TENM4: variants seen among roughly 807,000 people sequenced by gnomAD.
TENM4 encodes teneurin transmembrane protein 4.
A neutral mutation model predicts 243.3 loss-of-function variants in TENM4; 82 were observed. The ratio of observed to expected loss-of-function variants is 0.34; its 90% CI spans 0.28 to 0.40. The LOEUF (loss-of-function observed/expected upper bound fraction) is 0.40, where lower values mean the gene tolerates loss of function less well. Among genes scored for constraint, TENM4 ranks in the 10% least tolerant of loss-of-function variants. TENM4 has a pLI of 1.00. For synonymous variants in TENM4, 1,412 were observed against 1,456.3 expected (o/e 0.97, Z 0.69); for missense variants, 3,138 against 3,673.3 (o/e 0.85, Z 3.77).
At chr11:79,305,714 G>A (rs1266621026) in intron 1 of TENM4, among the ~76,000 whole-genome samples, 6 of 152,222 alleles carry the variant, frequency 3.9e-5, no homozygotes, top group African/African-American at 1.4e-4. Context: ...GTAAAGAGAA[G>A]GCCAGATTTG....
intron 14 of TENM4, among the ~76,000 whole-genome samples, chr11:78,807,223 T>C (rs1474571952): frequency 6.6e-6 from 1 of 152,200 alleles, no homozygotes; most frequent in Non-Finnish European, 1.5e-5. Flanking sequence ...AGAAAAGAAA[T>C]TGCTGGATCA....
intron 2 of TENM4, among the ~76,000 whole-genome samples, chr11:79,255,612 A>C (rs1855688660): frequency 1.3e-5 from 2 of 152,272 alleles, no homozygotes; most frequent in African/African-American, 4.8e-5. Flanking sequence ...TTTGATGTGC[A>C]TTCAACACAT....
At chr11:79,101,858 A>G (rs1861240375) in intron 4 of TENM4, among the ~76,000 whole-genome samples, 1 of 152,208 alleles carries the variant, frequency 6.6e-6, no homozygotes, top group African/African-American at 2.4e-5. Context: ...TCAAGTTTTC[A>G]TACCACTCCA....
chr11:78,913,733 G>A (rs1018306095), intron 6 of TENM4, among the ~76,000 whole-genome samples: 11 of 152,106 alleles, frequency 7.2e-5, no homozygotes, highest in Admixed American at 2.0e-4. Context: ...GGAAAAGCAC[G>A]AAGAAACAGG....
intron 6 of TENM4, among the ~76,000 whole-genome samples, chr11:78,999,107 T>C (rs1201843552): frequency 2.0e-5 from 3 of 152,172 alleles, no homozygotes; most frequent in Non-Finnish European, 2.9e-5. Flanking sequence ...CACTAAGCTA[T>C]GTAGTCAGAA....
At chr11:79,257,941 A>G (rs1425003458) in intron 2 of TENM4, among the ~76,000 whole-genome samples, 1 of 152,190 alleles carries the variant, frequency 6.6e-6, no homozygotes, top group African/African-American at 2.4e-5. Context: ...CCATGGTGAA[A>G]ACAGCCTGCA....
At chr11:78,863,756 T>A (rs1272691136) in intron 9 of TENM4, among the ~76,000 whole-genome samples, 2 of 152,216 alleles carry the variant, frequency 1.3e-5, no homozygotes, top group Non-Finnish European at 2.9e-5. Flanking sequence ...GTACAAAATC[T>A]ATGGAGGGCA....
chr11:79,234,537 T>A (rs978269469), intron 2 of TENM4, among the ~76,000 whole-genome samples: 1 of 152,144 alleles, frequency 6.6e-6, no homozygotes, highest in Non-Finnish European at 1.5e-5. Flanking sequence ...TGGGATGAGA[T>A]CACTTATGGG....
At chr11:79,100,462 A>C (rs1293963685) in intron 4 of TENM4, among the ~76,000 whole-genome samples, 1 of 152,066 alleles carries the variant, frequency 6.6e-6, no homozygotes, top group African/African-American at 2.4e-5. Context: ...TCCCCACCTC[A>C]ACCTTTAATG....
chr11:79,021,658 G>A (rs1328982218), intron 6 of TENM4: 1 of 152,398 alleles, frequency 6.6e-6, no homozygotes, highest in African/African-American at 2.4e-5. Flanking sequence ...AGTAGACTTG[G>A]AAGTTGGGCT....
At chr11:79,139,719 A>ATATTATATTTATAT (rs1565220679) in intron 4 of TENM4, among the ~76,000 whole-genome samples, 5 of 58,802 alleles carry the variant, frequency 8.5e-5, no homozygotes, top group Non-Finnish European at 1.4e-4. Flanking sequence ...ATAAGTATAT[A>ATATTATATTTATAT]AAATATATAT....
chr11:78,866,020 T>C (rs1271889514), intron 9 of TENM4, among the ~76,000 whole-genome samples: 1 of 152,250 alleles, frequency 6.6e-6, no homozygotes, highest in Non-Finnish European at 1.5e-5. Context: ...CAATAGTCAC[T>C]GACATTTATT....
At chr11:78,918,492 C>G (rs991102265) in intron 6 of TENM4, among the ~76,000 whole-genome samples, 1 of 151,572 alleles carries the variant, frequency 6.6e-6, no homozygotes, top group Non-Finnish European at 1.5e-5. Flanking sequence ...CCAATCAGCC[C>G]AGTTCAGGTT....
At chr11:79,271,137 C>T (rs1441257886) in intron 2 of TENM4, among the ~76,000 whole-genome samples, 2 of 152,132 alleles carry the variant, frequency 1.3e-5, no homozygotes, top group African/African-American at 4.8e-5. Context: ...CCAACAGGTA[C>T]TTGTATGCCT....
chr11:78,980,884 A>G (rs572999363), intron 6 of TENM4, among the ~76,000 whole-genome samples: 1 of 152,256 alleles, frequency 6.6e-6, no homozygotes, highest in Non-Finnish European at 1.5e-5. Context: ...TCCCACAGAA[A>G]CCTTTGGAAA....
chr11:79,325,114 G>A (rs1303178439), intron 1 of TENM4, among the ~76,000 whole-genome samples: 1 of 152,234 alleles, frequency 6.6e-6, no homozygotes, highest in Non-Finnish European at 1.5e-5. Context: ...GTGGAAGAGA[G>A]AGAGAGAGGA....
intron 6 of TENM4, among the ~76,000 whole-genome samples, chr11:79,043,357 T>C (rs1697644574): frequency 2.6e-5 from 4 of 152,076 alleles, no homozygotes; most frequent in Admixed American, 2.0e-4. Context: ...CCTTTGTAGT[T>C]AAGTGGGGCC....
chr11:78,893,828 A>G (rs922591757), intron 7 of TENM4, among the ~76,000 whole-genome samples: 5 of 103,088 alleles, frequency 4.9e-5, no homozygotes, highest in Admixed American at 1.8e-4. Flanking sequence ...TCTCTTTCTG[A>G]TGAAAAATAA....
chr11:79,058,318 C>T (rs900826860), intron 6 of TENM4, among the ~76,000 whole-genome samples: 6 of 152,106 alleles, frequency 3.9e-5, no homozygotes, highest in Middle Eastern at 3.4e-3. Flanking sequence ...CTGAGACGGG[C>T]AGATCATAAG....
Sources: gnomAD v4.1 joint callset for allele counts (sites outside exome capture counted in the v4.1 genomes callset) on GRCh38, gnomAD v4.1.1 for gene constraint, MANE v1.5 for transcripts, NCBI Gene and HGNC (gene_info 2026-07-23, HGNC 2026-07-21) for gene names.